Variants in GRM3 observed in about 807,000 individuals in gnomAD.
GRM3 encodes glutamate metabotropic receptor 3, also known as metabotropic glutamate receptor 3.
A neutral mutation model predicts 70.5 loss-of-function variants in GRM3; 26 were observed. The observed-to-expected ratio is 0.37, with a 90% CI of 0.27 to 0.51. GRM3 has a LOEUF of 0.51. Among genes scored for constraint, GRM3 ranks in the 20% least tolerant of loss-of-function variants. GRM3 has a pLI of 0.93. For missense variants in GRM3, 859 were observed against 1,123.8 expected (o/e 0.76, Z 3.37); for synonymous variants, 443 against 434.9 (o/e 1.02, Z -0.23).
intron 3 of GRM3, among the ~76,000 whole-genome samples, chr7:86,817,007 T>C (rs1798030429): frequency 6.6e-6 from 1 of 151,690 alleles, no homozygotes; most frequent in African/African-American, 2.4e-5. Flanking sequence ...GAGCAAGAAA[T>C]TCTCAGCCAA....
chr7:86,820,768 A>G (rs1368574393), intron 3 of GRM3, among the ~76,000 whole-genome samples: 1 of 152,134 alleles, frequency 6.6e-6, no homozygotes, highest in Non-Finnish European at 1.5e-5. Context: ...AAAATCTTTT[A>G]TGTTCCCTGA....
intron 1 of GRM3, among the ~76,000 whole-genome samples, chr7:86,703,878 T>C (rs1194970939): frequency 6.6e-6 from 1 of 151,960 alleles, no homozygotes; most frequent in Non-Finnish European, 1.5e-5. Flanking sequence ...ACACTAGATA[T>C]ATGTTCAATG....
chr7:86,752,051 A>G (rs551744661), intron 1 of GRM3, among the ~76,000 whole-genome samples: 1 of 152,280 alleles, frequency 6.6e-6, no homozygotes, highest in African/African-American at 2.4e-5. Context: ...AATGCATGTC[A>G]TAATTGCACA....
intron 1 of GRM3, among the ~76,000 whole-genome samples, chr7:86,723,176 T>C (rs560284253): frequency 1.3e-5 from 2 of 152,184 alleles, no homozygotes; most frequent in East Asian, 3.9e-4. Flanking sequence ...TTATTCTCCA[T>C]ATGGGCAGAA....
chr7:86,807,954 AG>A (rs1490883973), intron 3 of GRM3, among the ~76,000 whole-genome samples: 4 of 152,170 alleles, frequency 2.6e-5, no homozygotes, highest in Non-Finnish European at 5.9e-5. Context: ...TTTAGCATGA[AG>A]GGCTGTTGAA....
Position 86,645,999 on chromosome 7 carries a change from G to A in GRM3, c.-141+1127G>A, listed in dbSNP as rs1425606281. 2.6e-3 allele frequency among the ~76,000 whole-genome samples: 89 copies of A among 34,552 alleles called. 8 individuals are homozygous for A. Among genetic ancestry groups the A allele is most frequent in the African/African-American group, 5.0e-3 (51 of 10,114 alleles). The allele number at this position is 34,552 out of a possible 152,430, so 22.7% of individuals were successfully genotyped here. A position where few individuals can be genotyped will look rare whatever the true frequency, so the allele number is the denominator to read the frequency against. On this transcript the variant is annotated intron_variant, in intron 1 of 5. Transcript: ENST00000361669. ...TTGTGGTGGGCGGGGGGGTGGGGGT[G>A]GGGGGGTGGGGGGGGGTGGGAGGGA...
intron 1 of GRM3, among the ~76,000 whole-genome samples, chr7:86,655,818 C>T (rs1303339942): frequency 1.9e-5 from 2 of 106,876 alleles, no homozygotes; most frequent in Non-Finnish European, 3.9e-5. Context: ...TTAAGGCTAA[C>T]TCTGTGTGTG....
intron 1 of GRM3, among the ~76,000 whole-genome samples, chr7:86,649,145 T>C (rs1197786497): frequency 2.6e-5 from 4 of 152,202 alleles, no homozygotes; most frequent in African/African-American, 9.6e-5. Flanking sequence ...GAAATAATTT[T>C]TAAACAAGTA....
At chr7:86,841,006 G>A (rs143860894) in intron 4 of GRM3, among the ~76,000 whole-genome samples, 1 of 152,186 alleles carries the variant, frequency 6.6e-6, no homozygotes, top group East Asian at 1.9e-4. Flanking sequence ...AAATCACTGA[G>A]GGTCAATTTC....
chr7:86,682,340 G>A (rs1374773696), intron 1 of GRM3, among the ~76,000 whole-genome samples: 1 of 152,026 alleles, frequency 6.6e-6, no homozygotes, highest in Non-Finnish European at 1.5e-5. Flanking sequence ...TATATTATTA[G>A]CACTTGTATT....
chr7:86,824,849 C>T (rs933849290), intron 3 of GRM3, among the ~76,000 whole-genome samples: 3 of 152,028 alleles, frequency 2.0e-5, no homozygotes, highest in Non-Finnish European at 4.4e-5. Flanking sequence ...TAGATACACC[C>T]ATAAGGTATT....
At chr7:86,694,935 T>C (rs545140474) in intron 1 of GRM3, among the ~76,000 whole-genome samples, 7 of 152,308 alleles carry the variant, frequency 4.6e-5, no homozygotes, top group Non-Finnish European at 1.0e-4. Flanking sequence ...AGCACTTCTG[T>C]TGGGTAATGA....
chr7:86,644,911 G>C (rs1017963317), intron 1 of GRM3, 39 bp downstream of exon 1: 8 of 1,180,688 alleles, frequency 6.8e-6, no homozygotes, highest in Non-Finnish European at 1.1e-6. Flanking sequence ...TCTGGAGGGC[G>C]CCCAGCCAGG....
At chr7:86,841,349 A>C (rs1163789629) in intron 4 of GRM3, among the ~76,000 whole-genome samples, 1 of 152,158 alleles carries the variant, frequency 6.6e-6, no homozygotes, top group Non-Finnish European at 1.5e-5. Context: ...ACTACCTATA[A>C]AAATTTTGGA....
intron 1 of GRM3, among the ~76,000 whole-genome samples, chr7:86,714,623 G>A (rs1795275056): frequency 6.6e-6 from 1 of 151,986 alleles, no homozygotes; most frequent in African/African-American, 2.4e-5. Context: ...CAACTATGTT[G>A]ATATAAGTTT....
intron 1 of GRM3, among the ~76,000 whole-genome samples, chr7:86,683,030 T>A (rs1224650270): frequency 6.6e-6 from 1 of 152,172 alleles, no homozygotes; most frequent in Non-Finnish European, 1.5e-5. Context: ...AACAAATCAT[T>A]CTGGACAGCA....
intron 3 of GRM3, among the ~76,000 whole-genome samples, chr7:86,811,529 C>T (rs187838590): frequency 1.4e-4 from 22 of 151,814 alleles, no homozygotes; most frequent in Admixed American, 3.9e-4. Context: ...CACTATTTTA[C>T]CCACCATCAA....
chr7:86,769,601 C>G (rs551806494), intron 2 of GRM3, among the ~76,000 whole-genome samples: 20 of 152,202 alleles, frequency 1.3e-4, no homozygotes, highest in Middle Eastern at 6.8e-3. Flanking sequence ...CGGAAGGCAG[C>G]ATAGGAGATA....
intron 1 of GRM3, among the ~76,000 whole-genome samples, chr7:86,722,845 G>A (rs374423323): frequency 2.6e-5 from 4 of 151,878 alleles, no homozygotes; most frequent in African/African-American, 9.7e-5. Context: ...CCATCTATTC[G>A]GTCCTTTATT....
Sources: gnomAD v4.1 joint callset for allele counts (sites outside exome capture counted in the v4.1 genomes callset) on GRCh38, gnomAD v4.1.1 for gene constraint, MANE v1.5 for transcripts, NCBI Gene and HGNC (gene_info 2026-07-23, HGNC 2026-07-21) for gene names.